The following TDRD7 variants were observed in gnomAD, a reference collection of about 807,000 sequenced individuals.
TDRD7 encodes the protein tudor domain containing 7.
Under a neutral mutation model 109.8 loss-of-function variants are expected in TDRD7, and 47 were observed. That is an observed-to-expected ratio of 0.43 (90% CI 0.34 to 0.55). The LOEUF is 0.55. TDRD7 is among the 20% of genes least tolerant of loss of function. The probability of loss-of-function intolerance (pLI) is 0.03; values close to 1 mark genes in which losing one functional copy is unlikely to be tolerated. For missense variants in TDRD7, 1,164 were observed against 1,319.2 expected (o/e 0.88, Z 1.82); for synonymous variants, 424 against 457.3 (o/e 0.93, Z 0.93).
At chr9:97,421,701 TGTG>T (rs1827903165) in intron 1 of TDRD7, among the ~76,000 whole-genome samples, 1 of 5,778 alleles carries the variant, frequency 1.7e-4, no homozygotes, top group African/African-American at 6.1e-4. Context: ...CCAGCTTTTG[TGTG>T]TGTGTGTGTG....
chr9:97,418,392 A>G (rs1012230310), intron 1 of TDRD7, among the ~76,000 whole-genome samples: 1 of 152,178 alleles, frequency 6.6e-6, no homozygotes, highest in Non-Finnish European at 1.5e-5. Context: ...GTCACGAGAC[A>G]TCTGCTATAT....
At position 97,441,649 on chromosome 9, in the gene TDRD7, A is replaced by T. The variant is rs1386198583; in HGVS notation, c.638-9A>T. On this transcript the variant is annotated splice_polypyrimidine_tract_variant and intron_variant, in intron 5 of 16. Coordinates refer to ENST00000355295, the MANE Select transcript of TDRD7 (RefSeq NM_014290.3). ...TTTTGGTTAATTCTATTATTTTTTT[A>T]ATTTAAAGATAATTTAAATCAGACT... 1 of 1,579,946 alleles carries T rather than the reference A, an allele frequency of 6.3e-7. No individual in the cohort carries two copies. Among genetic ancestry groups the T allele is most frequent in the Non-Finnish European group, 8.6e-7 (1 of 1,158,412 alleles).
Position 97,472,483 on chromosome 9 carries a change from G to C in TDRD7, c.1932G>C (p.Glu644Asp). ...AGGCTATATGTGACAAGTCACTAGAGGTTCACCTGCAGGTACCACTGTGAT... is the reference window on the plus strand; with the variant it reads ...AGGCTATATGTGACAAGTCACTAGACGTTCACCTGCAGGTACCACTGTGAT... ...CLKAICDKSL[E>D]VHLQVDAMYT... Residue 644 changes from glutamate (E) to aspartate (D), a missense_variant, in exon 10 of 17, where the codon GAG becomes GAC. Coordinates refer to ENST00000355295, the MANE Select transcript of TDRD7 (RefSeq NM_014290.3). 1 of 1,613,316 alleles carries C rather than the reference G, an allele frequency of 6.2e-7. No individual in the cohort carries two copies. Among genetic ancestry groups the C allele is most frequent in the Non-Finnish European group, 8.5e-7 (1 of 1,179,540 alleles).
At chr9:97,466,612 T>C (rs1015450368) in intron 8 of TDRD7, among the ~76,000 whole-genome samples, 1 of 152,182 alleles carries the variant, frequency 6.6e-6, no homozygotes, top group Non-Finnish European at 1.5e-5. Context: ...CTGTTAACAA[T>C]ACAAAGGAAT....
intron 1 of TDRD7, among the ~76,000 whole-genome samples, chr9:97,422,886 C>T (rs1017501809): frequency 2.6e-5 from 4 of 152,054 alleles, no homozygotes; most frequent in African/African-American, 9.7e-5. Flanking sequence ...TAAACTTTAA[C>T]TGGTTATTAT....
chr9:97,457,913 C>T (rs1587877395), intron 6 of TDRD7, among the ~76,000 whole-genome samples: 2 of 152,088 alleles, frequency 1.3e-5, no homozygotes, highest in Admixed American at 1.3e-4. Context: ...GTTCTCACTC[C>T]TAAGTGGGAG....
intron 1 of TDRD7, among the ~76,000 whole-genome samples, chr9:97,420,370 G>A (rs1827879119): frequency 7.2e-6 from 1 of 138,966 alleles, no homozygotes; most frequent in Admixed American, 7.1e-5. Flanking sequence ...TTTTTGGGGG[G>A]GGCGGGTGGG....
intron 16 of TDRD7, among the ~76,000 whole-genome samples, chr9:97,491,961 T>A (rs1479143215): frequency 2.0e-5 from 3 of 152,228 alleles, no homozygotes; most frequent in Admixed American, 6.5e-5. Context: ...CTGGAGTTTT[T>A]AACTCTCAGA....
intron 6 of TDRD7, among the ~76,000 whole-genome samples, chr9:97,449,639 T>G (rs1475968388): frequency 6.6e-6 from 1 of 152,190 alleles, no homozygotes; most frequent in Non-Finnish European, 1.5e-5. Context: ...CTTGGGGTTT[T>G]ATGGAGGCTT....
chr9:97,439,457 A>C, intron 5 of TDRD7, 139 bp downstream of exon 5: 1 of 735,240 alleles, frequency 1.4e-6, no homozygotes, highest in East Asian at 2.8e-5. Context: ...ATTGCTTTGC[A>C]TCATGAATCA....
At chr9:97,465,374 T>G (rs1828806493) in intron 8 of TDRD7, among the ~76,000 whole-genome samples, 1 of 152,044 alleles carries the variant, frequency 6.6e-6, no homozygotes, top group African/African-American at 2.4e-5. Context: ...TACTTCGGAG[T>G]GAGGGAAGCC....
intron 2 of TDRD7, 98 bp from the exon 3 acceptor site, chr9:97,430,835 G>T: frequency 7.0e-7 from 1 of 1,432,748 alleles, no homozygotes; most frequent in Non-Finnish European, 9.8e-7. Flanking sequence ...CTTGACTTGG[G>T]ATATGTAGGC....
At chr9:97,477,756 C>T (rs1829046958) in intron 12 of TDRD7, among the ~76,000 whole-genome samples, 1 of 151,916 alleles carries the variant, frequency 6.6e-6, no homozygotes, top group African/African-American at 2.4e-5. Context: ...GACCCCAAAA[C>T]AATAGTTTTT....
At chr9:97,439,749 T>G (rs1490909458) in intron 5 of TDRD7, among the ~76,000 whole-genome samples, 4 of 152,230 alleles carry the variant, frequency 2.6e-5, no homozygotes, top group African/African-American at 9.6e-5. Flanking sequence ...GCTAGCACCC[T>G]AAACTGTGTA....
Position 97,432,217 on chromosome 9 carries a change from T to C in TDRD7, c.542T>C (p.Val181Ala), listed in dbSNP as rs763069572. The C allele has an allele frequency of 6.2e-7, 1 of 1,613,774 alleles. No homozygotes were observed. The highest frequency in any genetic ancestry group is 1.1e-5 in the South Asian group (1 of 91,084). Reference protein sequence around the residue: ...AFKDIPVQRHVTMSTNNRFSP... With the variant: ...AFKDIPVQRHATMSTNNRFSP... ...AAAGACATTCCAGTGCAAAGGCATG[T>C]GACCATGTCCACCAACAACAGGTAT... The change falls in exon 4 of 17, where the codon GTG becomes GCG. Residue 181 changes from valine (V) to alanine (A), a missense_variant. Around this residue, in one of 5 missense-constraint regions of TDRD7, gnomAD observed 407 missense variants for 394.0 expected, o/e 1.03. Transcript: ENST00000355295.
At chr9:97,431,211 G>GCTA in intron 3 of TDRD7, 137 bp downstream of exon 3, 1 of 1,330,994 alleles carries the variant, frequency 7.5e-7, no homozygotes, top group Non-Finnish European at 1.1e-6. Flanking sequence ...AGATCCTGAA[G>GCTA]CTAGCATTTC....
chr9:97,438,552 C>A (rs1828243030), intron 4 of TDRD7, among the ~76,000 whole-genome samples: 2 of 152,128 alleles, frequency 1.3e-5, no homozygotes, highest in African/African-American at 4.8e-5. Flanking sequence ...CACTTAGAGT[C>A]TAGTGTGGGA....
intron 7 of TDRD7, among the ~76,000 whole-genome samples, chr9:97,462,165 T>C (rs564422707): frequency 1.2e-4 from 19 of 152,222 alleles, no homozygotes; most frequent in Non-Finnish European, 2.4e-4. Flanking sequence ...TTGACTATAC[T>C]ATAAAGAAAC....
intron 16 of TDRD7, among the ~76,000 whole-genome samples, chr9:97,488,571 T>TG (rs1477368639): frequency 9.2e-6 from 1 of 109,150 alleles, no homozygotes; most frequent in Non-Finnish European, 2.0e-5. Flanking sequence ...TTTTTTTTTT[T>TG]TTTTTTTTGT....
Sources: allele counts gnomAD v4.1 joint callset (sites outside exome capture counted in the v4.1 genomes callset), GRCh38; gene constraint gnomAD v4.1.1; regional missense constraint gnomAD v4.1.1; transcripts MANE v1.5; gene names NCBI Gene and HGNC (gene_info 2026-07-23, HGNC 2026-07-21).